Variants in HDGFL3 observed in about 807,000 individuals in gnomAD.
HDGFL3 encodes HDGF like 3.
HDGFL3 carries 6 observed loss-of-function variants against 27.6 expected under a neutral mutation model. The ratio of observed to expected loss-of-function variants is 0.22; its 90% CI spans 0.12 to 0.43. The LOEUF (loss-of-function observed/expected upper bound fraction) is 0.43, where lower values mean the gene tolerates loss of function less well. HDGFL3 is among the 20% of genes least tolerant of loss of function. HDGFL3 has a pLI of 1.00. For synonymous variants in HDGFL3, 88 were observed against 88.9 expected (o/e 0.99, Z 0.05); for missense variants, 207 against 250.1 (o/e 0.83, Z 1.16).
chr15:83,174,340 A>G (rs980076702), intron 1 of HDGFL3, among the ~76,000 whole-genome samples: 1 of 152,168 alleles, frequency 6.6e-6, no homozygotes, highest in African/African-American at 2.4e-5. Flanking sequence ...AGTGAGCACC[A>G]TTCCCATTAC....
intron 4 of HDGFL3, among the ~76,000 whole-genome samples, chr15:83,156,272 A>C (rs1272323849): frequency 6.6e-6 from 1 of 152,120 alleles, no homozygotes; most frequent in Non-Finnish European, 1.5e-5. Flanking sequence ...CGTTTTCAGA[A>C]AGCCCTGGCC....
chr15:83,193,306 C>T (rs986052855), intron 1 of HDGFL3, among the ~76,000 whole-genome samples: 3 of 152,022 alleles, frequency 2.0e-5, no homozygotes, highest in Non-Finnish European at 4.4e-5. Flanking sequence ...AGAAGACATA[C>T]AAATGGCCAA....
At position 83,171,003 on chromosome 15, in the gene HDGFL3, A is replaced by T. The variant is rs139867061; in HGVS notation, c.85-6928T>A. 1.6e-4 allele frequency among the ~76,000 whole-genome samples: 25 copies of T among 152,338 alleles called. No individual in the cohort carries two copies. In the East Asian group the frequency reaches 4.6e-3, roughly 28 times the overall value. On this transcript the variant is annotated intron_variant, in intron 1 of 5. Transcript: ENST00000299633. ...TGTCATTAATCATCAGAGAAATGCA[A>T]ATCAAAACCACAATGAGATACTATC... is the stretch of plus-strand genomic sequence containing the variant.
chr15:83,159,517 G>C (rs548525175), intron 2 of HDGFL3, among the ~76,000 whole-genome samples: 1 of 151,998 alleles, frequency 6.6e-6, no homozygotes, highest in Non-Finnish European at 1.5e-5. Context: ...CAGGGGTGGG[G>C]GTTTGGACAA....
intron 1 of HDGFL3, among the ~76,000 whole-genome samples, chr15:83,164,367 C>CAAAAAAAAATAAAAAAAAA (rs2037138904): frequency 2.6e-5 from 1 of 38,380 alleles, no homozygotes. Context: ...TTAGAGTAAC[C>CAAAAAAAAATAAAAAAAAA]AAAAAAAAAA....
chr15:83,136,745 T>G lies in HDGFL3; in HGVS notation c.*2525A>C. 2 of 1,287,462 alleles carry G rather than the reference T, an allele frequency of 1.6e-6. No homozygotes were observed. The highest frequency in any genetic ancestry group is 2.9e-5 in the South Asian group (2 of 69,818). 79.8% of individuals were successfully genotyped at this position (1,287,462 alleles called of 1,614,324 possible). ...ACTGGTACTGATATTTTGTCCCATT[T>G]CACTCTCTTCTCATACGTGAGTACT... On this transcript the variant is annotated 3_prime_UTR_variant, in exon 6 of 6. Coordinates refer to ENST00000299633, the MANE Select transcript of HDGFL3 (RefSeq NM_016073.4).
chr15:83,137,488 A>C lies in HDGFL3; in HGVS notation c.*1782T>G, dbSNP rs2036675406. On this transcript the variant is annotated 3_prime_UTR_variant, in exon 6 of 6. Coordinates refer to ENST00000299633, the MANE Select transcript of HDGFL3 (RefSeq NM_016073.4). ...TTCCCCTTATGTTTCAGTGTGAGCA[A>C]TGAAGAGGTCTTTTGATGAATTAAA... 1 of 152,186 alleles carries C rather than the reference A, an allele frequency of 6.6e-6. No homozygotes were observed. 9.4% of individuals were successfully genotyped at this position (152,186 alleles called of 1,614,324 possible). A position where few individuals can be genotyped will look rare whatever the true frequency, so the allele number is the denominator to read the frequency against.
exon 4 of HDGFL3, chr15:83,115,717 T>G (rs1216286682): frequency 1.1e-5 from 8 of 741,196 alleles, no homozygotes; most frequent in Middle Eastern, 2.2e-4. Flanking sequence ...TGTTAGTCTA[T>G]CTCGATAATT....
intron 3 of HDGFL3, among the ~76,000 whole-genome samples, chr15:83,121,729 C>CT (rs2035264646): frequency 6.6e-6 from 1 of 152,222 alleles, no homozygotes; most frequent in South Asian, 2.1e-4. Flanking sequence ...GAAGAAGGTT[C>CT]TATAGTATAT....
chr15:83,122,048 T>C, intron 3 of HDGFL3: 2 of 1,443,084 alleles, frequency 1.4e-6, no homozygotes, highest in Non-Finnish European at 1.9e-6. Flanking sequence ...TCTAAAACAA[T>C]GGGGCTTGTT....
intron 1 of HDGFL3, among the ~76,000 whole-genome samples, chr15:83,165,788 C>T (rs918378071): frequency 1.0e-5 from 1 of 98,908 alleles, no homozygotes; most frequent in African/African-American, 4.3e-5. Context: ...GAGCAAGAAT[C>T]CATCTCAAAA....
At chr15:83,143,545 G>A (rs1462604930) in intron 5 of HDGFL3, among the ~76,000 whole-genome samples, 1 of 152,170 alleles carries the variant, frequency 6.6e-6, no homozygotes, top group Admixed American at 6.5e-5. Context: ...TCGTGCCACT[G>A]CACTCCAGCC....
At chr15:83,199,192 C>T (rs1486330722) in intron 1 of HDGFL3, among the ~76,000 whole-genome samples, 1 of 152,138 alleles carries the variant, frequency 6.6e-6, no homozygotes, top group African/African-American at 2.4e-5. Flanking sequence ...AAATAGTGGT[C>T]TAGAGGGAAT....
chr15:83,112,799 C>A lies in HDGFL3; in HGVS notation c.*2910G>T. ...CCTCCCTGTTCTGGTCGTTGCAGTT[C>A]CTGGACTATTGTAGGGGTTGCTGCC... On this transcript the variant is annotated 3_prime_UTR_variant, in exon 4 of 4. Coordinates refer to the HDGFL3 transcript ENST00000568294. 1.9e-6 allele frequency: 3 copies of A among 1,613,000 alleles called. No individual in the cohort carries two copies. Among genetic ancestry groups the A allele is most frequent in the Non-Finnish European group, 2.5e-6 (3 of 1,178,982 alleles).
chr15:83,183,069 G>A (rs185294228), intron 1 of HDGFL3, among the ~76,000 whole-genome samples: 5 of 152,246 alleles, frequency 3.3e-5, no homozygotes, highest in Admixed American at 2.0e-4. Flanking sequence ...TAACAAATTG[G>A]CTATATCCTT....
intron 3 of HDGFL3, chr15:83,116,023 TCA>T: frequency 9.0e-7 from 1 of 1,110,224 alleles, no homozygotes; most frequent in Non-Finnish European, 1.4e-6. Context: ...AGAAATCCTC[TCA>T]TTTAGTGTGA....
intron 1 of HDGFL3, among the ~76,000 whole-genome samples, chr15:83,183,923 A>G (rs2037411139): frequency 6.6e-6 from 1 of 152,260 alleles, no homozygotes; most frequent in South Asian, 2.1e-4. Context: ...GCCCTCCTCC[A>G]GCAAAATTTC....
Position 83,133,070 on chromosome 15 carries a change from T to C in HDGFL3, c.*6200A>G, listed in dbSNP as rs1299860997. On this transcript the variant is annotated 3_prime_UTR_variant, in exon 6 of 6. Coordinates refer to ENST00000299633, the MANE Select transcript of HDGFL3 (RefSeq NM_016073.4). ...AAGCATGTCACAAACATCACCTCACTGAACCCTCATAACAACCTATGAGGT... is the reference window on the plus strand; with the variant it reads ...AAGCATGTCACAAACATCACCTCACCGAACCCTCATAACAACCTATGAGGT... 1 of 152,208 alleles carries C rather than the reference T, an allele frequency of 6.6e-6. No individual in the cohort carries two copies. The highest frequency in any genetic ancestry group is 6.5e-5 in the Admixed American group (1 of 15,284). 9.4% of individuals were successfully genotyped at this position (152,208 alleles called of 1,614,324 possible). A position where few individuals can be genotyped will look rare whatever the true frequency, so the allele number is the denominator to read the frequency against.
chr15:83,144,468 TTC>T (rs2036850881), intron 5 of HDGFL3: 1 of 456,026 alleles, frequency 2.2e-6, no homozygotes, highest in South Asian at 1.5e-5. Flanking sequence ...AAAGACTGAC[TTC>T]TGTTTGCCAG....
Sources: gnomAD v4.1 joint callset for allele counts (sites outside exome capture counted in the v4.1 genomes callset) on GRCh38, gnomAD v4.1.1 for gene constraint, MANE v1.5 for transcripts, NCBI Gene and HGNC (gene_info 2026-07-23, HGNC 2026-07-21) for gene names.